Variants in FHIT observed in about 807,000 individuals in gnomAD.
FHIT encodes the protein bis(5'-adenosyl)-triphosphatase.
FHIT carries 19 observed loss-of-function variants against 17.9 expected under a neutral mutation model. The observed-to-expected ratio is 1.06, with a 90% confidence interval of 0.74 to 1.56. The LOEUF is 1.56. FHIT is among the 40% of genes most tolerant of loss of function. The probability of loss-of-function intolerance (pLI) is 0.00; values close to 1 mark genes in which losing one functional copy is unlikely to be tolerated. For missense variants in FHIT, 248 were observed against 189.2 expected, an observed-to-expected ratio of 1.31 and a Z score of -1.82; for synonymous variants, 81 against 69.7, an observed-to-expected ratio of 1.16 and a Z score of -0.81.
At chr3:59,951,438 T>C (rs1416618168) in intron 7 of FHIT, among the ~76,000 whole-genome samples, 2 of 152,220 alleles carry the variant, frequency 1.3e-5, no homozygotes, top group Non-Finnish European at 2.9e-5. Flanking sequence ...GGAGGTAAAA[T>C]GGGGTATAAA....
At chr3:60,716,505 C>T (rs1337934493) in intron 4 of FHIT, among the ~76,000 whole-genome samples, 2 of 152,148 alleles carry the variant, frequency 1.3e-5, no homozygotes, top group Admixed American at 6.5e-5. Flanking sequence ...TCTCATCCAA[C>T]TGGCAGGTCT....
At chr3:60,431,493 T>C (rs972908385) in intron 5 of FHIT, among the ~76,000 whole-genome samples, 2 of 152,082 alleles carry the variant, frequency 1.3e-5, no homozygotes, top group East Asian at 1.9e-4. Flanking sequence ...CCCTCAAAAC[T>C]ATCTCCCCAC....
chr3:60,063,330 A>C (rs1385490607), intron 5 of FHIT, among the ~76,000 whole-genome samples: 2 of 152,204 alleles, frequency 1.3e-5, no homozygotes, highest in Non-Finnish European at 2.9e-5. Flanking sequence ...GCAAAATAAA[A>C]ATCATCTTGT....
At chr3:60,846,704 G>A (rs540316144) in intron 3 of FHIT, among the ~76,000 whole-genome samples, 39 of 152,306 alleles carry the variant, frequency 2.6e-4, no homozygotes, top group African/African-American at 7.5e-4. Context: ...AGGTGATGAA[G>A]TGCAAAGCTG....
intron 4 of FHIT, among the ~76,000 whole-genome samples, chr3:60,797,125 AT>A (rs1209464125): frequency 2.0e-5 from 3 of 152,216 alleles, no homozygotes; most frequent in East Asian, 3.9e-4. Context: ...AAGTGAAGTG[AT>A]TAGAAAACAC....
intron 5 of FHIT, among the ~76,000 whole-genome samples, chr3:60,438,216 C>A (rs1265266188): frequency 6.6e-6 from 1 of 152,020 alleles, no homozygotes; most frequent in Non-Finnish European, 1.5e-5. Flanking sequence ...TGTGATTTCA[C>A]CTGTCCTCAG....
chr3:61,087,601 G>A (rs2035345229), intron 2 of FHIT, among the ~76,000 whole-genome samples: 1 of 152,188 alleles, frequency 6.6e-6, no homozygotes, highest in Non-Finnish European at 1.5e-5. Context: ...TGTGATGACT[G>A]ACAATGATGC....
At chr3:59,899,609 G>A (rs867541411) in intron 8 of FHIT, among the ~76,000 whole-genome samples, 10 of 152,166 alleles carry the variant, frequency 6.6e-5, no homozygotes, top group South Asian at 2.1e-4. Context: ...CGAGGCGGAC[G>A]GATTGCCTGA....
At chr3:60,591,959 G>A (rs1054158956) in intron 4 of FHIT, among the ~76,000 whole-genome samples, 1 of 151,816 alleles carries the variant, frequency 6.6e-6, no homozygotes, top group Admixed American at 6.6e-5. Context: ...GGGTTACATG[G>A]TCTATGTGCC....
chr3:61,183,964 C>T (rs1406088329), intron 2 of FHIT, among the ~76,000 whole-genome samples: 3 of 151,878 alleles, frequency 2.0e-5, no homozygotes, highest in East Asian at 1.9e-4. Flanking sequence ...CATTTTGAAG[C>T]GCCCTCCATT....
chr3:59,890,894 A>G (rs540887296), intron 8 of FHIT, among the ~76,000 whole-genome samples: 38 of 152,144 alleles, frequency 2.5e-4, no homozygotes, highest in Non-Finnish European at 4.6e-4. Flanking sequence ...CTCCCCCCCA[A>G]CACTGGCTCT....
At chr3:60,321,557 A>G (rs1381707915) in intron 5 of FHIT, among the ~76,000 whole-genome samples, 1 of 152,196 alleles carries the variant, frequency 6.6e-6, no homozygotes, top group Non-Finnish European at 1.5e-5. Context: ...AGGGGTTACA[A>G]AACTTGCACA....
chr3:61,229,439 G>T (rs897876158), intron 1 of FHIT, among the ~76,000 whole-genome samples: 2 of 152,182 alleles, frequency 1.3e-5, no homozygotes, highest in Non-Finnish European at 1.5e-5. Context: ...TTCCAGGACT[G>T]TGAGGAAATA....
chr3:59,763,040 T>C (rs967641564), intron 8 of FHIT, among the ~76,000 whole-genome samples: 38 of 152,040 alleles, frequency 2.5e-4, no homozygotes, highest in African/African-American at 6.7e-4. Flanking sequence ...TAAGCCTTTT[T>C]CCCCCCCGCC....
At chr3:61,176,374 G>A (rs1227350105) in intron 2 of FHIT, among the ~76,000 whole-genome samples, 3 of 152,202 alleles carry the variant, frequency 2.0e-5, no homozygotes, top group African/African-American at 7.2e-5. Context: ...GAAACTTGCT[G>A]TGTGAGACAC....
At chr3:60,983,400 C>T (rs1427663223) in intron 3 of FHIT, among the ~76,000 whole-genome samples, 1 of 152,182 alleles carries the variant, frequency 6.6e-6, no homozygotes, top group African/African-American at 2.4e-5. Flanking sequence ...GACCCATCTT[C>T]TGAGGCAGGC....
At chr3:60,632,479 C>T (rs1270998162) in intron 4 of FHIT, among the ~76,000 whole-genome samples, 4 of 152,102 alleles carry the variant, frequency 2.6e-5, no homozygotes, top group East Asian at 1.9e-4. Flanking sequence ...TGTAGGAGAG[C>T]GCGTCTTCTC....
At chr3:60,472,365 C>T in intron 5 of FHIT, among the ~76,000 whole-genome samples, 1 of 142,162 alleles carries the variant, frequency 7.0e-6, no homozygotes, top group East Asian at 2.3e-4. Context: ...TTGTACAATG[C>T]TGTATTTTTT....
intron 5 of FHIT, among the ~76,000 whole-genome samples, chr3:60,437,825 G>A (rs1486168345): frequency 1.3e-5 from 2 of 152,076 alleles, no homozygotes; most frequent in Admixed American, 6.5e-5. Context: ...GGAGTTAATA[G>A]GTGTTTGGCT....
Sources: allele counts gnomAD v4.1 joint callset (sites outside exome capture counted in the v4.1 genomes callset), GRCh38; gene constraint gnomAD v4.1.1; transcripts MANE v1.5; gene names NCBI Gene and HGNC (gene_info 2026-07-23, HGNC 2026-07-21).